NOL4L: variants seen among roughly 807,000 people sequenced by gnomAD.
NOL4L encodes nucleolar protein 4 like.
In NOL4L, 7 loss-of-function variants were observed where a neutral mutation model predicts 64.5. That is an observed-to-expected ratio of 0.11 (90% CI 0.06 to 0.20). NOL4L has a LOEUF of 0.20. Among genes scored for constraint, NOL4L ranks in the 10% least tolerant of loss-of-function variants. The pLI is 1.00. For missense variants in NOL4L, 680 were observed against 967.1 expected (o/e 0.70, Z 3.94); for synonymous variants, 413 against 401.0 (o/e 1.03, Z -0.36).
chr20:32,504,287 G>A (rs1007534384), intron 4 of NOL4L, among the ~76,000 whole-genome samples: 4 of 152,110 alleles, frequency 2.6e-5, no homozygotes, highest in Admixed American at 6.6e-5. Context: ...GAGGCCGGGC[G>A]TGGTGGCTCA....
At chr20:32,481,755 T>G (rs1209027855) in intron 4 of NOL4L, among the ~76,000 whole-genome samples, 1 of 152,166 alleles carries the variant, frequency 6.6e-6, no homozygotes, top group Non-Finnish European at 1.5e-5. Flanking sequence ...AAGGGGTAAT[T>G]TACTACCCGG....
At chr20:32,548,202 C>T (rs1425285566) in intron 1 of NOL4L, among the ~76,000 whole-genome samples, 1 of 152,200 alleles carries the variant, frequency 6.6e-6, no homozygotes, top group African/African-American at 2.4e-5. Context: ...ATTGAACCTA[C>T]ATTTGCCTGA....
rs1286977625 is a variant in NOL4L at position 32,527,803 on chromosome 20, T to C, written c.432A>G (p.Pro144=). 7 of 1,550,322 alleles carry C rather than the reference T, an allele frequency of 4.5e-6. No homozygotes were observed. The East Asian group carries it at 1.7e-4, about 38-fold the overall frequency. The part of the protein sequence containing the change: ...YSMHVESSAE[P]GKAPKHAGQK... ...GCCCAGCGTGCTTGGGGGCTTTGCC[T>C]GGCTCCGCTGAGCTCTCCACATGCA... The change falls in exon 2 of 11, where the codon CCA becomes CCG. Residue 144 remains proline (P), a synonymous_variant. Transcript: ENST00000621426.
chr20:32,579,811 C>CA (rs1010823155), intron 1 of NOL4L, among the ~76,000 whole-genome samples: 19 of 152,132 alleles, frequency 1.2e-4, no homozygotes, highest in African/African-American at 1.7e-4. Flanking sequence ...CTGCCACTCA[C>CA]AAAAAATGCA....
intron 2 of NOL4L, among the ~76,000 whole-genome samples, chr20:32,525,378 C>T (rs534879090): frequency 6.6e-6 from 1 of 152,342 alleles, no homozygotes; most frequent in African/African-American, 2.4e-5. Context: ...TGCAGAGAGG[C>T]AGGATGTGTG....
At position 32,456,188 on chromosome 20, in the gene NOL4L, T is replaced by C; in HGVS notation, c.1049A>G (p.Tyr350Cys). Residue 350 changes from tyrosine to cysteine, a missense_variant, in exon 6 of 11, where the codon TAC (tyrosine) becomes TGC (cysteine). Physicochemically the swap from Tyr to Cys is radical, Grantham distance 194. This residue lies in a region of NOL4L where 254 missense variants were observed against 238.7 expected (regional missense o/e 1.06). Coordinates refer to ENST00000621426, the MANE Select transcript of NOL4L (RefSeq NM_001256798.2). The stretch of plus-strand genomic sequence containing the variant: ...GTCGGCACCGCAGCCATCCGAGGGG[T>C]AGGAGGCTGTGCCAAGTGCCGTGGC... ...PPATALGTAS[Y>C]PSDGCGADGL... 1.2e-6 allele frequency: 2 copies of C among 1,604,126 alleles called. No homozygotes were observed. Among genetic ancestry groups the C allele is most frequent in the South Asian group, 2.2e-5 (2 of 89,502 alleles).
intron 2 of NOL4L, among the ~76,000 whole-genome samples, chr20:32,523,813 G>C (rs1888718058): frequency 6.6e-6 from 1 of 152,106 alleles, no homozygotes; most frequent in South Asian, 2.1e-4. Flanking sequence ...ATTTTTCCTG[G>C]TGGTAAAAAA....
chr20:32,528,003 G>T, intron 1 of NOL4L, 90 bp from the exon 2 acceptor site: 1 of 966,270 alleles, frequency 1.0e-6, no homozygotes, highest in Non-Finnish European at 1.4e-6. Context: ...GTCAGGACGG[G>T]CAATGCCTCC....
intron 4 of NOL4L, among the ~76,000 whole-genome samples, chr20:32,482,161 AG>A (rs994782234): frequency 4.6e-5 from 7 of 152,106 alleles, no homozygotes; most frequent in African/African-American, 1.4e-4. Context: ...AATGTTTTAG[AG>A]GGGGAAAAAA....
chr20:32,569,078 C>T (rs1013620060), intron 1 of NOL4L, among the ~76,000 whole-genome samples: 1 of 152,188 alleles, frequency 6.6e-6, no homozygotes, highest in Non-Finnish European at 1.5e-5. Context: ...AAGAGGAACA[C>T]GCACAAAAAC....
chr20:32,513,779 C>G (rs530574494), intron 3 of NOL4L, among the ~76,000 whole-genome samples: 97 of 152,190 alleles, frequency 6.4e-4, no homozygotes, highest in African/African-American at 2.2e-3. Flanking sequence ...GTGGGAGGAT[C>G]ACCTGAGCCC....
intron 1 of NOL4L, among the ~76,000 whole-genome samples, chr20:32,558,929 C>G (rs1430011314): frequency 6.6e-6 from 1 of 152,116 alleles, no homozygotes; most frequent in Non-Finnish European, 1.5e-5. Flanking sequence ...GAGGGGCCGC[C>G]GAGAACCAGT....
In NOL4L at chr20:32,474,670, C is replaced by G; in HGVS notation, c.772G>C (p.Ala258Pro). 6.2e-7 allele frequency: 1 copy of G among 1,613,812 alleles called. No homozygotes were observed. Among genetic ancestry groups the G allele is most frequent in the Non-Finnish European group, 8.5e-7 (1 of 1,179,992 alleles). The stretch of plus-strand genomic sequence containing the variant: ...TCCTGGCTGGGGCTCAGGCTGGAGG[C>G]CAGGTGCGGGTCAGCTGACATCCAT... The part of the protein sequence containing the change: ...STWMSADPHL[A>P]SSLSPSQDER... Residue 258 changes from alanine (A) to proline (P), a missense_variant, in exon 5 of 11, where the codon GCC (alanine) becomes CCC (proline). Ala to Pro is a conservative substitution (Grantham distance 27). Around this residue, in one of 4 missense-constraint regions of NOL4L, gnomAD observed 254 missense variants for 238.7 expected, o/e 1.06. Coordinates refer to ENST00000621426, the MANE Select transcript of NOL4L (RefSeq NM_001256798.2).
chr20:32,478,892 A>AT (rs1568634897), intron 4 of NOL4L, among the ~76,000 whole-genome samples: 2 of 152,168 alleles, frequency 1.3e-5, no homozygotes, highest in South Asian at 4.1e-4. Flanking sequence ...GCGACAGCAA[A>AT]TTTTTTTTAA....
intron 5 of NOL4L, among the ~76,000 whole-genome samples, chr20:32,458,697 C>T (rs2013778784): frequency 6.6e-6 from 1 of 152,254 alleles, no homozygotes; most frequent in Non-Finnish European, 1.5e-5. Flanking sequence ...TAGATTCCTC[C>T]TCTGGAATGA....
chr20:32,557,598 C>G (rs1053413537), intron 1 of NOL4L, among the ~76,000 whole-genome samples: 8 of 152,230 alleles, frequency 5.3e-5, no homozygotes, highest in Non-Finnish European at 8.8e-5. Flanking sequence ...CAGACAATGA[C>G]TAGTTCCTCC....
At chr20:32,514,210 G>A (rs780494660) in intron 3 of NOL4L, among the ~76,000 whole-genome samples, 33 of 151,718 alleles carry the variant, frequency 2.2e-4, no homozygotes, top group Non-Finnish European at 4.6e-4. Context: ...AGTAGACGTC[G>A]GCTGGGTGTG....
chr20:32,494,982 C>T (rs934056522), intron 4 of NOL4L, among the ~76,000 whole-genome samples: 6 of 150,164 alleles, frequency 4.0e-5, no homozygotes, highest in Non-Finnish European at 8.8e-5. Context: ...GGCAAGGATC[C>T]CCCACTCCCA....
intron 5 of NOL4L, among the ~76,000 whole-genome samples, chr20:32,467,991 G>A (rs1351329240): frequency 6.6e-6 from 1 of 152,190 alleles, no homozygotes; most frequent in Non-Finnish European, 1.5e-5. Flanking sequence ...CTGGGTGGTG[G>A]AGGGCCCCAC....
Sources: gnomAD v4.1 joint callset for allele counts (sites outside exome capture counted in the v4.1 genomes callset) on GRCh38, gnomAD v4.1.1 for gene constraint, gnomAD v4.1.1 regional missense constraint, MANE v1.5 for transcripts, NCBI Gene and HGNC (gene_info 2026-07-23, HGNC 2026-07-21) for gene names.